HS3ST1: variants seen among roughly 807,000 people sequenced by gnomAD.
The protein encoded by HS3ST1 is heparan sulfate glucosamine 3-O-sulfotransferase 1.
Under a neutral mutation model 20.7 loss-of-function variants are expected in HS3ST1, and 8 were observed. The ratio of observed to expected loss-of-function variants is 0.39; its 90% CI spans 0.23 to 0.70. HS3ST1 has a LOEUF of 0.70. Ranked by LOEUF, HS3ST1 falls within the 30% of genes least tolerant of loss-of-function variation. HS3ST1 has a pLI of 0.46. For missense variants in HS3ST1, 436 were observed against 423.4 expected, an observed-to-expected ratio of 1.03 and a Z score of -0.26; for synonymous variants, 205 against 190.4, an observed-to-expected ratio of 1.08 and a Z score of -0.63.
chr4:11,427,908 GC>G (rs1279210028), intron 1 of HS3ST1, among the ~76,000 whole-genome samples: 1 of 152,176 alleles, frequency 6.6e-6, no homozygotes, highest in Admixed American at 6.5e-5. Flanking sequence ...CGCGCCGTCC[GC>G]CCCCTGGCTG....
chr4:11,400,039 G>T lies in HS3ST1; in HGVS notation c.-34C>A. 6.9e-7 allele frequency: 1 copy of T among 1,457,866 alleles called. No individual in the cohort carries two copies. Among genetic ancestry groups the T allele is most frequent in the Non-Finnish European group, 9.0e-7 (1 of 1,108,550 alleles). 90.3% of individuals were successfully genotyped at this position (1,457,866 alleles called of 1,614,324 possible). On this transcript the variant is annotated 5_prime_UTR_variant, in exon 2 of 2. Transcript: ENST00000002596. ...CCACGGTGGCTTCACTGGGCCGCGC[G>T]CCGCTGGGTCATGAAGTGCCGCAGC... is the stretch of plus-strand genomic sequence containing the variant.
chr4:11,428,073 G>T (rs934872847), intron 1 of HS3ST1, among the ~76,000 whole-genome samples: 1 of 152,038 alleles, frequency 6.6e-6, no homozygotes, highest in African/African-American at 2.4e-5. Context: ...CACGAAGGGG[G>T]AAAAAAATCA....
upstream of HS3ST1, chr4:11,429,007 T>G (rs1404315928): frequency 6.6e-6 from 1 of 152,484 alleles, no homozygotes; most frequent in Non-Finnish European, 1.5e-5. Flanking sequence ...GAGAGCGCGT[T>G]GGGCAGAGGA....
intron 1 of HS3ST1, among the ~76,000 whole-genome samples, chr4:11,420,417 T>C (rs953665885): frequency 4.6e-5 from 7 of 152,138 alleles, no homozygotes; most frequent in African/African-American, 1.7e-4. Flanking sequence ...TCTCTAACAG[T>C]TTTATTAGCT....
chr4:11,399,836 G>T lies in HS3ST1; in HGVS notation c.170C>A (p.Thr57Asn), dbSNP rs1193221228. 6.2e-7 allele frequency: 1 copy of T among 1,612,950 alleles called. No individual in the cohort carries two copies. Among genetic ancestry groups the T allele is most frequent in the East Asian group, 2.2e-5 (1 of 44,864 alleles). Reference protein sequence around the residue: ...PNGSAQQLPQTIIIGVRKGGT... With the variant: ...PNGSAQQLPQNIIIGVRKGGT... ...GCCCTTGCGCACGCCGATGATGATG[G>T]TCTGCGGCAACTGCTGGGCAGAGCC... The change falls in exon 2 of 2, where the codon ACC becomes AAC. Residue 57 changes from threonine (T) to asparagine (N), a missense_variant. Physicochemically the swap from Thr to Asn is moderately conservative, Grantham distance 65. Coordinates refer to ENST00000002596, the MANE Select transcript of HS3ST1 (RefSeq NM_005114.4). The surrounding 1 kb of genome is among the most constrained non-coding windows in gnomAD (Gnocchi z 5.1).
intron 1 of HS3ST1, among the ~76,000 whole-genome samples, chr4:11,410,145 C>T (rs376771720): frequency 6.6e-5 from 10 of 152,226 alleles, no homozygotes; most frequent in Non-Finnish European, 1.5e-4. Context: ...TCTTACAAGA[C>T]ATCTACGATG....
chr4:11,416,161 T>C (rs1718776273), intron 1 of HS3ST1, among the ~76,000 whole-genome samples: 1 of 152,186 alleles, frequency 6.6e-6, no homozygotes. Flanking sequence ...AAAGGACAGC[T>C]GCCAATCTGA....
At position 11,394,230 on chromosome 4, in the gene HS3ST1, C is replaced by G. The variant is rs1718078938; in HGVS notation, c.*4852G>C. 1 of 152,228 alleles carries G rather than the reference C, an allele frequency of 6.6e-6. No homozygotes were observed. The highest frequency in any genetic ancestry group is 2.4e-5 in the African/African-American group (1 of 41,450). The allele number at this position is 152,228 out of a possible 1,614,324, so 9.4% of individuals were successfully genotyped here. A position where few individuals can be genotyped will look rare whatever the true frequency, so the allele number is the denominator to read the frequency against. On this transcript the variant is annotated 3_prime_UTR_variant, in exon 2 of 2. Coordinates refer to ENST00000002596, the MANE Select transcript of HS3ST1 (RefSeq NM_005114.4). ...AAATGGAGGTTCTCAGAGTCTGAAT[C>G]TAAGATCCCATGGTCAGTGATTGGT... is the stretch of plus-strand genomic sequence containing the variant.
rs531991673 is a variant in HS3ST1, at chr4:11,426,561, A to C, written c.-109+2138T>G. 5.3e-5 allele frequency among the ~76,000 whole-genome samples: 8 copies of C among 152,340 alleles called. No homozygotes were observed. In the South Asian group the frequency reaches 6.2e-4, roughly 12 times the overall value. On this transcript the variant is annotated intron_variant, in intron 1 of 1. Coordinates refer to ENST00000002596, the MANE Select transcript of HS3ST1 (RefSeq NM_005114.4). Reference sequence around the variant, plus strand: ...GCCAATTTCTCACCAGCTTCTCAGAACAAAAATCTCCTATCTTAAAACTAC... The same window carrying C: ...GCCAATTTCTCACCAGCTTCTCAGACCAAAAATCTCCTATCTTAAAACTAC...
chr4:11,405,280 C>G (rs946021998), intron 1 of HS3ST1, among the ~76,000 whole-genome samples: 4 of 152,168 alleles, frequency 2.6e-5, no homozygotes, highest in African/African-American at 9.7e-5. Context: ...AAACCCAAGG[C>G]CTGAGTTTCA....
chr4:11,425,247 G>C (rs1428587337), intron 1 of HS3ST1, among the ~76,000 whole-genome samples: 1 of 152,272 alleles, frequency 6.6e-6, no homozygotes, highest in Non-Finnish European at 1.5e-5. Flanking sequence ...CAATGATGAG[G>C]AGCCAGTGCA....
In HS3ST1 at chr4:11,395,523, G is replaced by T. The variant is rs1378467015; in HGVS notation, c.*3559C>A. ...GATGGAGTCTTGCTCTGTTGCCCAG[G>T]CTGGAGTGCAGTGGCATCATCTCGG... On this transcript the variant is annotated 3_prime_UTR_variant, in exon 2 of 2. Transcript: ENST00000002596. 2 of 133,508 alleles carry T rather than the reference G, an allele frequency of 1.5e-5. No homozygotes were observed. Among genetic ancestry groups the T allele is most frequent in the African/African-American group, 5.8e-5 (2 of 34,196 alleles). 8.3% of individuals were successfully genotyped at this position (133,508 alleles called of 1,614,324 possible).
intron 1 of HS3ST1, among the ~76,000 whole-genome samples, chr4:11,411,201 C>T (rs1178854125): frequency 2.0e-5 from 3 of 152,132 alleles, no homozygotes; most frequent in Non-Finnish European, 4.4e-5. Context: ...AATGACAAAG[C>T]GGCATCCATG....
chr4:11,431,806 G>A (rs1719211864), upstream of HS3ST1, among the ~76,000 whole-genome samples: 1 of 152,192 alleles, frequency 6.6e-6, no homozygotes, highest in Non-Finnish European at 1.5e-5. Flanking sequence ...TATGCAAAAT[G>A]AATCATAGGA....
upstream of HS3ST1, among the ~76,000 whole-genome samples, chr4:11,431,418 C>A (rs1275569063): frequency 1.3e-5 from 2 of 152,046 alleles, no homozygotes; most frequent in African/African-American, 4.8e-5. Context: ...TCAGTTCCAA[C>A]AACTGAAAAA....
At chr4:11,416,251 C>T (rs186236065) in intron 1 of HS3ST1, among the ~76,000 whole-genome samples, 53 of 152,278 alleles carry the variant, frequency 3.5e-4, no homozygotes, top group African/African-American at 1.2e-3. Flanking sequence ...CTTTCACTTC[C>T]TAACAACCAT....
rs71181101 is a variant in HS3ST1, at chr4:11,423,021, CAAAAAAAAAAAA to C, written c.-109+5666_-109+5677del. ...CAGGGCAACAAGAGCGAGACACCGT[CAAAAAAAAAAAA>C]AAAAAAAAAAAAAAAAGTGCTGAAC... On this transcript the variant is annotated intron_variant, in intron 1 of 1. Coordinates refer to ENST00000002596, the MANE Select transcript of HS3ST1 (RefSeq NM_005114.4). Among the ~76,000 whole-genome samples the C allele has an allele frequency of 5.2e-4, 18 of 34,388 alleles. 1 individual carries two copies. The Admixed American group carries it at 7.3e-3, about 14-fold the overall frequency. 22.6% of individuals were successfully genotyped at this position (34,388 alleles called of 152,430 possible).
upstream of HS3ST1, among the ~76,000 whole-genome samples, chr4:11,433,996 G>A (rs1289445091): frequency 6.6e-6 from 1 of 152,198 alleles, no homozygotes; most frequent in Non-Finnish European, 1.5e-5. Context: ...GCTCTCTTCT[G>A]TCTTGGAGTC....
At chr4:11,420,345 G>A (rs16881636) in intron 1 of HS3ST1, among the ~76,000 whole-genome samples, 24,624 of 152,228 alleles carry the variant, frequency 0.16, 2,569 homozygotes, top group African/African-American at 0.29. Context: ...AGTCGCAGGA[G>A]AGATCTCAGA....
Sources: gnomAD v4.1 joint callset for allele counts (sites outside exome capture counted in the v4.1 genomes callset) on GRCh38, gnomAD v4.1.1 for gene constraint, Gnocchi (gnomAD v3.1) non-coding constraint, MANE v1.5 for transcripts, NCBI Gene and HGNC (gene_info 2026-07-23, HGNC 2026-07-21) for gene names.